Variants in ABCA12 observed in about 807,000 individuals in gnomAD.
ABCA12 encodes the protein ATP binding cassette subfamily A member 12, also known as glucosylceramide transporter ABCA12.
ABCA12 carries 156 observed loss-of-function variants against 293.5 expected under a neutral mutation model. The ratio of observed to expected loss-of-function variants is 0.53; its 90% CI spans 0.47 to 0.61. ABCA12 has a LOEUF of 0.61. ABCA12 is among the 20% of genes least tolerant of loss of function. ABCA12 has a pLI of 0.00. For synonymous variants in ABCA12, 1,063 were observed against 1,108.0 expected (o/e 0.96, Z 0.81); for missense variants, 2,797 against 3,090.2 (o/e 0.91, Z 2.25).
intron 2 of ABCA12, among the ~76,000 whole-genome samples, chr2:215,073,579 G>A (rs548610202): frequency 1.8e-4 from 27 of 152,206 alleles, no homozygotes; most frequent in Non-Finnish European, 3.4e-4. Flanking sequence ...CGCCCCCACC[G>A]AGATATTCTC....
chr2:214,994,125 G>A (rs1465326410), intron 23 of ABCA12, among the ~76,000 whole-genome samples: 3 of 152,086 alleles, frequency 2.0e-5, no homozygotes, highest in Non-Finnish European at 4.4e-5. Context: ...AAAGACCAGT[G>A]AGAGCATATA....
At chr2:215,096,109 A>G (rs1228359604) in intron 2 of ABCA12, among the ~76,000 whole-genome samples, 1 of 152,196 alleles carries the variant, frequency 6.6e-6, no homozygotes, top group African/African-American at 2.4e-5. Flanking sequence ...AATCTTGGGC[A>G]AGTTACCTAC....
chr2:215,047,546 T>C (rs1314878033), intron 6 of ABCA12, among the ~76,000 whole-genome samples: 3 of 152,132 alleles, frequency 2.0e-5, no homozygotes, highest in Non-Finnish European at 2.9e-5. Flanking sequence ...AACTCCCTAT[T>C]CAATAAATGA....
intron 2 of ABCA12, among the ~76,000 whole-genome samples, chr2:215,091,456 A>G (rs1268750250): frequency 6.6e-6 from 1 of 152,128 alleles, no homozygotes; most frequent in East Asian, 1.9e-4. Context: ...CCTCTCCCAA[A>G]TCAGTTAGTG....
chr2:214,946,148 C>G (rs1698575615), intron 48 of ABCA12, among the ~76,000 whole-genome samples: 1 of 151,954 alleles, frequency 6.6e-6, no homozygotes. Context: ...TTGATCATTA[C>G]ATATTGTATA....
At chr2:214,978,291 C>A (rs1699566694) in intron 33 of ABCA12, 25 bp downstream of exon 33, 1 of 1,613,436 alleles carries the variant, frequency 6.2e-7, no homozygotes, top group Non-Finnish European at 8.5e-7. Flanking sequence ...TGGAATTAAA[C>A]AAAATATCCA....
At position 215,043,097 on chromosome 2, in the gene ABCA12, G is replaced by A. The variant is rs550068140; in HGVS notation, c.872+2740C>T. On this transcript the variant is annotated intron_variant, in intron 7 of 52. Coordinates refer to ENST00000272895, the MANE Select transcript of ABCA12 (RefSeq NM_173076.3). ...ATCTGTTATTGTTTTTGTCTTTTTG[G>A]TAATAGCCATTCTAACTGCAGTTAG... 3.3e-5 allele frequency among the ~76,000 whole-genome samples: 5 copies of A among 151,684 alleles called. No individual in the cohort carries two copies. The South Asian group carries it at 1.0e-3, about 32-fold the overall frequency.
intron 28 of ABCA12, 70 bp from the exon 29 acceptor site, chr2:214,983,935 C>G (rs190698820): frequency 7.1e-7 from 1 of 1,399,408 alleles, no homozygotes; most frequent in Non-Finnish European, 9.9e-7. Flanking sequence ...ATAACTATAT[C>G]TCAGTTGTTA....
intron 14 of ABCA12, chr2:215,017,640 CTTTTT>C (rs1220749816): frequency 1.9e-4 from 30 of 156,368 alleles, no homozygotes; most frequent in South Asian, 7.3e-4. Flanking sequence ...GAATATAATT[CTTTTT>C]TTTTTTTTTT....
chr2:215,045,293 A>C (rs1701179546), intron 7 of ABCA12, among the ~76,000 whole-genome samples: 1 of 152,182 alleles, frequency 6.6e-6, no homozygotes, highest in African/African-American at 2.4e-5. Context: ...AAAGGTTTTA[A>C]AATCTTTATA....
chr2:214,978,411 T>A lies in ABCA12; in HGVS notation c.5033A>T (p.His1678Leu). 1 of 1,613,902 alleles carries A rather than the reference T, an allele frequency of 6.2e-7. No individual in the cohort carries two copies. The highest frequency in any genetic ancestry group is 1.1e-5 in the South Asian group (1 of 91,068). The change falls in exon 33 of 53, where the codon CAC (histidine) becomes CTC (leucine). Residue 1678 changes from histidine (H) to leucine (L), a missense_variant. His to Leu is a moderately conservative substitution (Grantham distance 99). Around this residue, in one of 3 missense-constraint regions of ABCA12, gnomAD observed 2,130 missense variants for 2,427.0 expected, o/e 0.88. Transcript: ENST00000272895. ...ATTCCCAATTTTCTTTTGTGTTAAG[T>A]GCTCAAGACTCATAGCACTATTTTT... ...SQKNSAMSLE[H>L]LTQKKIGNSN...
chr2:215,110,940 C>G (rs1416460286), intron 2 of ABCA12, among the ~76,000 whole-genome samples: 1 of 152,178 alleles, frequency 6.6e-6, no homozygotes, highest in Non-Finnish European at 1.5e-5. Flanking sequence ...AAAATGAAAA[C>G]AGCATTCATC....
At position 215,119,778 on chromosome 2, in the gene ABCA12, T is replaced by G. The variant is rs1194033557; in HGVS notation, c.70-8088A>C. On this transcript the variant is annotated intron_variant, in intron 1 of 52. Coordinates refer to ENST00000272895, the MANE Select transcript of ABCA12 (RefSeq NM_173076.3). ...TGAAAACAAAACAAAAAAAAACAGA[T>G]GCTGGCAAGGCTTCAGAGAATAGGG... is the stretch of plus-strand genomic sequence containing the variant. Among the ~76,000 whole-genome samples, 4 of 142,056 alleles carry G rather than the reference T, an allele frequency of 2.8e-5. No individual in the cohort carries two copies. The East Asian group carries it at 7.9e-4, about 28-fold the overall frequency. 93.2% of individuals were successfully genotyped at this position (142,056 alleles called of 152,430 possible).
At chr2:215,013,138 G>A (rs967630152) in intron 15 of ABCA12, 8 of 152,086 alleles carry the variant, frequency 5.3e-5, no homozygotes, top group Non-Finnish European at 7.3e-5. Flanking sequence ...GCACCATCTC[G>A]GTACTCACAG....
At chr2:214,960,022 A>C (rs1699070658) in intron 39 of ABCA12, among the ~76,000 whole-genome samples, 1 of 152,164 alleles carries the variant, frequency 6.6e-6, no homozygotes, top group South Asian at 2.1e-4. Flanking sequence ...GTATTTGTTC[A>C]TTGTACTAGG....
chr2:215,105,794 T>C (rs1702453167), intron 2 of ABCA12, among the ~76,000 whole-genome samples: 1 of 151,046 alleles, frequency 6.6e-6, no homozygotes, highest in Non-Finnish European at 1.5e-5. Flanking sequence ...AAGGGAGGAG[T>C]CATGGATGAT....
At chr2:215,064,693 GCACACACACA>G (rs10541959) in intron 2 of ABCA12, among the ~76,000 whole-genome samples, 32,175 of 139,848 alleles carry the variant, frequency 0.23, 3,520 homozygotes, top group East Asian at 0.36. Context: ...TTTAATACAC[GCACACACACA>G]CACACACACA....
intron 3 of ABCA12, among the ~76,000 whole-genome samples, chr2:215,062,617 G>A (rs1159653318): frequency 6.6e-6 from 1 of 151,932 alleles, no homozygotes; most frequent in Non-Finnish European, 1.5e-5. Flanking sequence ...TTGCAACCGT[G>A]TTAGCTGACT....
At chr2:214,945,954 G>A (rs575318820) in intron 48 of ABCA12, among the ~76,000 whole-genome samples, 157 of 152,180 alleles carry the variant, frequency 1.0e-3, no homozygotes, top group Non-Finnish European at 1.9e-3. Context: ...GATAGAGAGA[G>A]ATTGGTTAAT....
Sources: allele counts gnomAD v4.1 joint callset (sites outside exome capture counted in the v4.1 genomes callset), GRCh38; gene constraint gnomAD v4.1.1; regional missense constraint gnomAD v4.1.1; transcripts MANE v1.5; gene names NCBI Gene and HGNC (gene_info 2026-07-23, HGNC 2026-07-21).